CABCOCO1: variants seen among roughly 807,000 people sequenced by gnomAD.
CABCOCO1 encodes the protein ciliary-associated calcium-binding coiled-coil protein 1.
Under a neutral mutation model 35.7 loss-of-function variants are expected in CABCOCO1, and 28 were observed. The ratio of observed to expected loss-of-function variants is 0.78; its 90% CI spans 0.58 to 1.07. The LOEUF (loss-of-function observed/expected upper bound fraction) is 1.07, where lower values mean the gene tolerates loss of function less well. Ranked by LOEUF, CABCOCO1 falls within the 50% of genes least tolerant of loss-of-function variation. CABCOCO1 has a pLI of 0.00. For synonymous variants in CABCOCO1, 95 were observed against 100.1 expected (o/e 0.95, Z 0.30); for missense variants, 326 against 309.2 (o/e 1.05, Z -0.41).
At chr10:61,709,174 G>T (rs914480906) in intron 5 of CABCOCO1, among the ~76,000 whole-genome samples, 1 of 152,116 alleles carries the variant, frequency 6.6e-6, no homozygotes, top group Non-Finnish European at 1.5e-5. Flanking sequence ...ATACGTAGTT[G>T]ATTTTATCCC....
chr10:61,719,164 C>G (rs1840938568), intron 5 of CABCOCO1, among the ~76,000 whole-genome samples: 1 of 152,110 alleles, frequency 6.6e-6, no homozygotes, highest in Admixed American at 6.5e-5. Flanking sequence ...GTATCTTAAA[C>G]CAAACATTTA....
chr10:61,682,520 T>A (rs1382577731), intron 3 of CABCOCO1, among the ~76,000 whole-genome samples: 1 of 152,208 alleles, frequency 6.6e-6, no homozygotes, highest in Non-Finnish European at 1.5e-5. Context: ...TAGACCTAGA[T>A]GGATCCCCCT....
At chr10:61,669,878 A>G (rs906930732) in intron 1 of CABCOCO1, among the ~76,000 whole-genome samples, 2 of 152,132 alleles carry the variant, frequency 1.3e-5, no homozygotes, top group Non-Finnish European at 2.9e-5. Context: ...TTCATTATTA[A>G]TATGACAGTA....
intron 5 of CABCOCO1, among the ~76,000 whole-genome samples, chr10:61,716,478 T>A (rs1840868943): frequency 6.6e-6 from 1 of 152,120 alleles, no homozygotes; most frequent in Non-Finnish European, 1.5e-5. Context: ...ATTCATCACA[T>A]CTTCCCACCT....
chr10:61,744,839 G>T (rs1488676473), intron 5 of CABCOCO1, among the ~76,000 whole-genome samples: 2 of 152,074 alleles, frequency 1.3e-5, no homozygotes, highest in African/African-American at 4.8e-5. Context: ...AATAACACCA[G>T]CAATTCAATA....
intron 2 of CABCOCO1, among the ~76,000 whole-genome samples, chr10:61,677,861 GTAGT>G (rs1564531116): frequency 9.6e-6 from 1 of 104,004 alleles, no homozygotes; most frequent in African/African-American, 3.7e-5. Flanking sequence ...TCTTTTCAAT[GTAGT>G]TAGATTGTCT....
intron 7 of CABCOCO1, among the ~76,000 whole-genome samples, chr10:61,763,961 G>A (rs1842058650): frequency 6.6e-6 from 1 of 151,972 alleles, no homozygotes; most frequent in Non-Finnish European, 1.5e-5. Context: ...AAAGTACTAA[G>A]CCTAAGGTCT....
chr10:61,676,069 C>CT (rs1402213642), intron 2 of CABCOCO1, among the ~76,000 whole-genome samples: 3 of 152,136 alleles, frequency 2.0e-5, no homozygotes, highest in Non-Finnish European at 2.9e-5. Flanking sequence ...TTTTCCTTAG[C>CT]AAGGTTAGTC....
chr10:61,734,939 T>G (rs540666172), intron 5 of CABCOCO1, among the ~76,000 whole-genome samples: 1 of 152,220 alleles, frequency 6.6e-6, no homozygotes, highest in African/African-American at 2.4e-5. Context: ...AACTGAGAAA[T>G]TCAACCTAAC....
intron 5 of CABCOCO1, among the ~76,000 whole-genome samples, chr10:61,756,453 T>G (rs1217398885): frequency 6.6e-6 from 1 of 152,092 alleles, no homozygotes; most frequent in Non-Finnish European, 1.5e-5. Flanking sequence ...GAGCTTTTAA[T>G]GTACTCACCT....
chr10:61,707,314 T>A (rs1840617470), intron 5 of CABCOCO1, among the ~76,000 whole-genome samples: 2 of 151,902 alleles, frequency 1.3e-5, no homozygotes, highest in African/African-American at 4.8e-5. Flanking sequence ...CACTCAGGAG[T>A]GTCATTAAGA....
In CABCOCO1 at chr10:61,751,265, G is replaced by A. The variant is rs1841778105; in HGVS notation, c.553-8794G>A. Among the ~76,000 whole-genome samples, 3 of 134,018 alleles carry A rather than the reference G, an allele frequency of 2.2e-5. No homozygotes were observed. The Admixed American group carries it at 2.6e-4, about 12-fold the overall frequency. The allele number at this position is 134,018 out of a possible 152,430, so 87.9% of individuals were successfully genotyped here. A position where few individuals can be genotyped will look rare whatever the true frequency, so the allele number is the denominator to read the frequency against. ...ATAACAATTATGGAGCACCCACTCT[G>A]CTGCAAGCACTGGGCAAGCAGGGAA... On this transcript the variant is annotated intron_variant, in intron 5 of 7. Coordinates refer to ENST00000648843, the MANE Select transcript of CABCOCO1 (RefSeq NM_001366906.2).
At chr10:61,718,430 A>G (rs1309200779) in intron 5 of CABCOCO1, among the ~76,000 whole-genome samples, 1 of 152,214 alleles carries the variant, frequency 6.6e-6, no homozygotes, top group African/African-American at 2.4e-5. Context: ...AAATTAAAAT[A>G]GTTATGAATT....
intron 1 of CABCOCO1, among the ~76,000 whole-genome samples, chr10:61,671,840 A>G (rs80133307): frequency 2.4e-3 from 364 of 152,252 alleles, no homozygotes; most frequent in African/African-American, 8.1e-3. Context: ...TGCTGTCTGT[A>G]TTACTAGAAA....
intron 2 of CABCOCO1, among the ~76,000 whole-genome samples, chr10:61,680,652 T>TTATGTTATACATGTATAACATA (rs770866959): frequency 0.064 from 2,403 of 37,818 alleles, 315 homozygotes; most frequent in African/African-American, 0.099. Flanking sequence ...ATAATATATA[T>TTATGTTATACATGTATAACATA]TATGTTATAC....
At position 61,681,184 on chromosome 10, in the gene CABCOCO1, G is replaced by A; in HGVS notation, c.206G>A (p.Cys69Tyr). ...IFLNFKNLET[C>Y]LKDAILLDYY... is the part of the protein sequence containing the mutation. ...TTGAATTTCAAAAACCTTGAAACTT[G>A]TTTAAAGGATGCCATTCTACTAGAT... The change falls in exon 3 of 8, where the codon TGT becomes TAT. Residue 69 changes from cysteine to tyrosine, a missense_variant. By Grantham distance (194) the Cys-to-Tyr change is radical. Coordinates refer to ENST00000648843, the MANE Select transcript of CABCOCO1 (RefSeq NM_001366906.2). 3 of 1,506,654 alleles carry A rather than the reference G, an allele frequency of 2.0e-6. No individual in the cohort carries two copies. The highest frequency in any genetic ancestry group is 2.7e-6 in the Non-Finnish European group (3 of 1,119,774). 93.3% of individuals were successfully genotyped at this position (1,506,654 alleles called of 1,614,324 possible). A position where few individuals can be genotyped will look rare whatever the true frequency, so the allele number is the denominator to read the frequency against.
At chr10:61,675,548 G>A (rs1396846463) in intron 2 of CABCOCO1, among the ~76,000 whole-genome samples, 1 of 152,030 alleles carries the variant, frequency 6.6e-6, no homozygotes, top group East Asian at 1.9e-4. Flanking sequence ...ACATTGAAAA[G>A]TAAAAATAAA....
intron 3 of CABCOCO1, among the ~76,000 whole-genome samples, chr10:61,684,385 C>T (rs892175142): frequency 1.3e-5 from 2 of 152,164 alleles, no homozygotes; most frequent in Admixed American, 6.5e-5. Flanking sequence ...AATTACTTTA[C>T]TTTCACCTTA....
chr10:61,722,622 A>G (rs1841050059), intron 5 of CABCOCO1, among the ~76,000 whole-genome samples: 1 of 152,116 alleles, frequency 6.6e-6, no homozygotes, highest in South Asian at 2.1e-4. Context: ...AATTTTTTAA[A>G]TAAATGAATA....
Sources: allele counts gnomAD v4.1 joint callset (sites outside exome capture counted in the v4.1 genomes callset), GRCh38; gene constraint gnomAD v4.1.1; transcripts MANE v1.5; gene names NCBI Gene and HGNC (gene_info 2026-07-23, HGNC 2026-07-21).